The following PRKAG2 variants were observed in gnomAD, a reference collection of about 807,000 sequenced individuals.
PRKAG2 encodes the protein 5'-AMP-activated protein kinase subunit gamma-2.
In PRKAG2, 26 loss-of-function variants were observed where a neutral mutation model predicts 69.6. That is an observed-to-expected ratio of 0.37 (90% CI 0.27 to 0.52). PRKAG2 has a LOEUF of 0.52. Ranked by LOEUF, PRKAG2 falls within the 20% of genes least tolerant of loss-of-function variation. The pLI is 0.90. For missense variants in PRKAG2, 557 were observed against 740.0 expected (o/e 0.75, Z 2.87); for synonymous variants, 293 against 285.0 (o/e 1.03, Z -0.28).
chr7:151,856,655 G>A (rs1363003088), intron 1 of PRKAG2, among the ~76,000 whole-genome samples: 3 of 152,202 alleles, frequency 2.0e-5, no homozygotes, highest in Non-Finnish European at 2.9e-5. Flanking sequence ...TGTGAAAGAC[G>A]TTAAGTCTGG....
chr7:151,563,993 G>C (rs1805669407), intron 14 of PRKAG2, 85 bp downstream of exon 14: 1 of 1,592,248 alleles, frequency 6.3e-7, no homozygotes. Context: ...CCCTTCCTGA[G>C]ATTCAGGCTT....
chr7:151,602,114 C>T (rs1816249864), intron 5 of PRKAG2, among the ~76,000 whole-genome samples: 1 of 152,238 alleles, frequency 6.6e-6, no homozygotes, highest in Non-Finnish European at 1.5e-5. Context: ...GATGACGCTC[C>T]TCGCGCAGCC....
At position 151,583,624 on chromosome 7, in the gene PRKAG2, T is replaced by C. The variant is rs1160054902; in HGVS notation, c.865-7172A>G. ...GGCACAGGGTGTTCCAATTAACCAA[T>C]AAACAGGATACAAAGAGGACTAACA... On this transcript the variant is annotated intron_variant, in intron 6 of 15. Coordinates refer to ENST00000287878, the MANE Select transcript of PRKAG2 (RefSeq NM_016203.4). This position sits in a 1 kb window ranked among gnomAD's most constrained non-coding sequence, Gnocchi z 4.1. Among the ~76,000 whole-genome samples, 2 of 152,156 alleles carry C rather than the reference T, an allele frequency of 1.3e-5. No individual in the cohort carries two copies. Among genetic ancestry groups the C allele is most frequent in the African/African-American group, 4.8e-5 (2 of 41,454 alleles).
intron 3 of PRKAG2, among the ~76,000 whole-genome samples, chr7:151,742,556 G>A (rs1031282702): frequency 3.9e-5 from 6 of 151,974 alleles, no homozygotes; most frequent in African/African-American, 1.5e-4. Flanking sequence ...CCCGGGAGGC[G>A]GAGGTTGCAG....
At chr7:151,564,968 A>T (rs1287778105) in intron 13 of PRKAG2, among the ~76,000 whole-genome samples, 2 of 152,176 alleles carry the variant, frequency 1.3e-5, no homozygotes, top group Non-Finnish European at 1.5e-5. Context: ...CCAATCACTA[A>T]GCAATGGGAT....
chr7:151,763,319 C>T (rs1251958013), intron 3 of PRKAG2, among the ~76,000 whole-genome samples: 4 of 152,250 alleles, frequency 2.6e-5, no homozygotes, highest in African/African-American at 4.8e-5. Context: ...CCAGCCATCC[C>T]GGCACAGAGT....
Position 151,561,364 on chromosome 7 carries a change from T to C in PRKAG2, c.1585-747A>G, listed in dbSNP as rs181455578. Among the ~76,000 whole-genome samples the C allele has an allele frequency of 2.3e-3, 346 of 152,346 alleles. 6 individuals are homozygous for C. The highest frequency in any genetic ancestry group is 5.4e-4 in the Non-Finnish European group (37 of 68,034). On this transcript the variant is annotated intron_variant, in intron 14 of 15. Transcript: ENST00000287878. ...AACTATCAGGTACTTGTCTTATTAA[T>C]ACATGGGAGAGAAGTCCAGATGATG...
chr7:151,755,821 G>A (rs1459484092), intron 3 of PRKAG2, among the ~76,000 whole-genome samples: 3 of 152,164 alleles, frequency 2.0e-5, no homozygotes, highest in East Asian at 1.9e-4. Context: ...GGACTCTCAC[G>A]GGGGCCACGG....
chr7:151,742,292 T>A (rs2073947420), intron 3 of PRKAG2, among the ~76,000 whole-genome samples: 1 of 152,226 alleles, frequency 6.6e-6, no homozygotes, highest in South Asian at 2.1e-4. Context: ...CTCTACATCC[T>A]GATTTTTCAT....
Position 151,703,159 on chromosome 7 carries a change from G to C in PRKAG2, c.467-27522C>G, listed in dbSNP as rs554439330. ...ATAGCTCATCTTTCTTCAAGGCCAT[G>C]ATGGCTTCTCTGACTCACTCATCAG... On this transcript the variant is annotated intron_variant, in intron 3 of 15. Coordinates refer to ENST00000287878, the MANE Select transcript of PRKAG2 (RefSeq NM_016203.4). Among the ~76,000 whole-genome samples, 28 of 152,276 alleles carry C rather than the reference G, an allele frequency of 1.8e-4. No individual in the cohort carries two copies. In the East Asian group the frequency reaches 4.2e-3, roughly 23 times the overall value.
chr7:151,656,994 G>A (rs1402664415), intron 4 of PRKAG2, among the ~76,000 whole-genome samples: 1 of 151,884 alleles, frequency 6.6e-6, no homozygotes, highest in Admixed American at 6.6e-5. Context: ...AAAATTAGCT[G>A]GGCATGGTGG....
At chr7:151,842,770 G>A (rs2079341283) in intron 1 of PRKAG2, among the ~76,000 whole-genome samples, 1 of 151,830 alleles carries the variant, frequency 6.6e-6, no homozygotes, top group Non-Finnish European at 1.5e-5. Context: ...AGTGATGGTA[G>A]GTAGTGATAG....
chr7:151,578,667 G>C (rs1809595599), intron 6 of PRKAG2, among the ~76,000 whole-genome samples: 1 of 152,212 alleles, frequency 6.6e-6, no homozygotes, highest in African/African-American at 2.4e-5. Flanking sequence ...GAATGACGAT[G>C]AGGAAATGAG....
intron 4 of PRKAG2, among the ~76,000 whole-genome samples, chr7:151,671,808 T>C (rs1368797216): frequency 1.3e-5 from 2 of 152,196 alleles, no homozygotes; most frequent in Non-Finnish European, 2.9e-5. Flanking sequence ...GGCTGAAACT[T>C]ACAAGTGGGG....
At chr7:151,821,063 C>CCTA (rs1563728699) in intron 1 of PRKAG2, among the ~76,000 whole-genome samples, 1 of 3,320 alleles carries the variant, frequency 3.0e-4, no homozygotes, top group Non-Finnish European at 1.3e-3. Context: ...GCTGTGGAGA[C>CCTA]AGGGAACAAG....
intron 1 of PRKAG2, among the ~76,000 whole-genome samples, chr7:151,832,262 A>AG (rs1563737877): frequency 1.8e-5 from 2 of 109,604 alleles, no homozygotes; most frequent in African/African-American, 9.7e-5. Context: ...GGAGGAGGGA[A>AG]GGAAGGGAGG....
chr7:151,664,391 C>T (rs567332784), intron 4 of PRKAG2, among the ~76,000 whole-genome samples: 1 of 152,260 alleles, frequency 6.6e-6, no homozygotes, highest in Non-Finnish European at 1.5e-5. Context: ...CCCATTAGCA[C>T]AGGGACATGC....
chr7:151,784,862 C>A (rs2076921564), intron 2 of PRKAG2, among the ~76,000 whole-genome samples: 1 of 152,204 alleles, frequency 6.6e-6, no homozygotes, highest in African/African-American at 2.4e-5. Flanking sequence ...CCGAAGCATG[C>A]TGGATGCTGG....
At chr7:151,857,125 G>A (rs1417354275) in intron 1 of PRKAG2, among the ~76,000 whole-genome samples, 1 of 129,722 alleles carries the variant, frequency 7.7e-6, no homozygotes, top group Admixed American at 8.1e-5. Flanking sequence ...GCTGATCATT[G>A]CTGGAAAAAA....
Sources: gnomAD v4.1 joint callset for allele counts (sites outside exome capture counted in the v4.1 genomes callset) on GRCh38, gnomAD v4.1.1 for gene constraint, Gnocchi (gnomAD v3.1) non-coding constraint, MANE v1.5 for transcripts, NCBI Gene and HGNC (gene_info 2026-07-23, HGNC 2026-07-21) for gene names.